The following CNBD1 variants were observed in gnomAD, a reference collection of about 807,000 sequenced individuals.
The protein encoded by CNBD1 is cyclic nucleotide-binding domain-containing protein 1.
CNBD1 carries 71 observed loss-of-function variants against 54.4 expected under a neutral mutation model. That is an observed-to-expected ratio of 1.30 (90% CI 1.08 to 1.59). The LOEUF (loss-of-function observed/expected upper bound fraction) is 1.59. Ranked by LOEUF, CNBD1 falls within the 40% of genes most tolerant of loss-of-function variation. The probability of loss-of-function intolerance (pLI) is 0.00; values close to 1 mark genes in which losing one functional copy is unlikely to be tolerated. For synonymous variants in CNBD1, 182 were observed against 170.7 expected, an observed-to-expected ratio of 1.07 and a Z score of -0.51; for missense variants, 659 against 518.0, an observed-to-expected ratio of 1.27 and a Z score of -2.64.
At chr8:87,156,250 A>G (rs941050342) in intron 4 of CNBD1, among the ~76,000 whole-genome samples, 19 of 61,648 alleles carry the variant, frequency 3.1e-4, no homozygotes, top group Non-Finnish European at 2.6e-4. Context: ...CCCATGATAT[A>G]TAATATATAC....
At chr8:87,030,943 C>CA (rs1360304931) in intron 4 of CNBD1, among the ~76,000 whole-genome samples, 8 of 113,616 alleles carry the variant, frequency 7.0e-5, no homozygotes, top group African/African-American at 2.8e-4. Context: ...CCTTCCCCCT[C>CA]CTCCCCCTCT....
chr8:87,024,181 G>C, intron 4 of CNBD1, among the ~76,000 whole-genome samples: 1 of 143,776 alleles, frequency 7.0e-6, no homozygotes, highest in Non-Finnish European at 1.5e-5. Context: ...AGTGCTTGCA[G>C]TGAGCCGAGA....
intron 8 of CNBD1, among the ~76,000 whole-genome samples, chr8:87,334,543 C>A (rs1016176196): frequency 1.2e-4 from 18 of 149,750 alleles, no homozygotes; most frequent in Admixed American, 1.2e-3. Context: ...CTTAACAGTG[C>A]TTTAGCTGCA....
intron 10 of CNBD1, among the ~76,000 whole-genome samples, chr8:87,363,674 AC>A (rs199734726): frequency 0.019 from 2,842 of 151,836 alleles, 88 homozygotes; most frequent in African/African-American, 0.062. Context: ...GTCTGTTCAT[AC>A]TTTTCGCCCA....
chr8:86,982,192 AC>A (rs1452234743), intron 4 of CNBD1, among the ~76,000 whole-genome samples: 2 of 152,268 alleles, frequency 1.3e-5, no homozygotes, highest in East Asian at 3.9e-4. Context: ...CTTATTTGCC[AC>A]TTATATGTCT....
At chr8:87,193,555 A>G (rs889787896) in intron 4 of CNBD1, among the ~76,000 whole-genome samples, 5 of 152,196 alleles carry the variant, frequency 3.3e-5, no homozygotes, top group Admixed American at 3.3e-4. Context: ...TGATTCTTAC[A>G]TGTCATTGAG....
rs193280472 is a variant in CNBD1, at chr8:87,216,077, G to A, written c.577+9939G>A. On this transcript the variant is annotated intron_variant, in intron 5 of 10. Coordinates refer to ENST00000518476, the MANE Select transcript of CNBD1 (RefSeq NM_173538.3). The stretch of plus-strand genomic sequence containing the variant: ...TGTACTTCATTGTACCTCATGAGCT[G>A]TTAATTGTTTCTTTAATAGCTGAAT... Among the ~76,000 whole-genome samples, 529 of 152,254 alleles carry A rather than the reference G, an allele frequency of 3.5e-3. 4 individuals carry two copies. The highest frequency in any genetic ancestry group is 0.012 in the African/African-American group (508 of 41,558).
chr8:87,349,758 G>T (rs970665988), intron 8 of CNBD1, among the ~76,000 whole-genome samples: 5 of 152,178 alleles, frequency 3.3e-5, no homozygotes, highest in Admixed American at 1.3e-4. Flanking sequence ...TCATTGAGAT[G>T]AATATTTGCT....
At chr8:87,264,775 TCTGTCAG>T (rs1232525413) in intron 6 of CNBD1, among the ~76,000 whole-genome samples, 5 of 152,206 alleles carry the variant, frequency 3.3e-5, no homozygotes, top group Non-Finnish European at 7.3e-5. Context: ...TTTTCCTGTG[TCTGTCAG>T]CTGCATAAAT....
chr8:87,046,093 G>T (rs1810184955), intron 4 of CNBD1, among the ~76,000 whole-genome samples: 1 of 150,666 alleles, frequency 6.6e-6, no homozygotes, highest in African/African-American at 2.4e-5. Flanking sequence ...CCCTACTTTG[G>T]CTGTAAAAAC....
At chr8:87,377,439 G>A (rs1162867405) in intron 10 of CNBD1, among the ~76,000 whole-genome samples, 1 of 151,762 alleles carries the variant, frequency 6.6e-6, no homozygotes, top group East Asian at 1.9e-4. Context: ...TATTGAGAAT[G>A]ATGATTTCCA....
At chr8:87,213,213 T>C (rs1436426359) in intron 5 of CNBD1, among the ~76,000 whole-genome samples, 2 of 151,518 alleles carry the variant, frequency 1.3e-5, no homozygotes, top group Middle Eastern at 3.2e-3. Context: ...TTGGTATGGA[T>C]GTAGAGAAGT....
Position 87,114,252 on chromosome 8 carries a change from G to C in CNBD1, c.432-91741G>C, listed in dbSNP as rs150762003. Among the ~76,000 whole-genome samples, 86 of 152,284 alleles carry C rather than the reference G, an allele frequency of 5.6e-4. 1 individual carries two copies. The East Asian group carries it at 0.016, about 28-fold the overall frequency. Reference sequence around the variant, plus strand: ...TGGCACAATTGGCCCAGCATTTGCTGAACATAAGTGATTCAGTAAATTACA... The same window carrying C: ...TGGCACAATTGGCCCAGCATTTGCTCAACATAAGTGATTCAGTAAATTACA... On this transcript the variant is annotated intron_variant, in intron 4 of 10. Transcript: ENST00000518476.
chr8:86,996,336 G>A (rs777553302), intron 4 of CNBD1, among the ~76,000 whole-genome samples: 8 of 152,028 alleles, frequency 5.3e-5, no homozygotes, highest in Non-Finnish European at 8.8e-5. Context: ...CTATAAAAAG[G>A]GCTTGTTTTA....
chr8:87,227,757 C>G (rs942638357), intron 5 of CNBD1, among the ~76,000 whole-genome samples: 4 of 149,584 alleles, frequency 2.7e-5, no homozygotes, highest in African/African-American at 7.6e-5. Flanking sequence ...TTGTGGCGTT[C>G]TCTGTATTTC....
chr8:87,276,957 A>T (rs911419425), intron 6 of CNBD1, among the ~76,000 whole-genome samples: 1 of 148,382 alleles, frequency 6.7e-6, no homozygotes, highest in Non-Finnish European at 1.5e-5. Context: ...AGGGAACCAG[A>T]GAAAATGGAG....
chr8:87,302,836 C>A lies in CNBD1; in HGVS notation c.1042+16165C>A, dbSNP rs568077027. 7.9e-5 allele frequency among the ~76,000 whole-genome samples: 12 copies of A among 152,134 alleles called. No homozygotes were observed. In the East Asian group the frequency reaches 1.9e-3, roughly 24 times the overall value. On this transcript the variant is annotated intron_variant, in intron 8 of 10. Transcript: ENST00000518476. The stretch of plus-strand genomic sequence containing the variant: ...CAAAAATCACAAGCATTCTTATACA[C>A]CAGCAACAGACAAACAGAGAGCCAA...
rs539403635 is a variant in CNBD1, at chr8:87,358,211, T to C, written c.1303+4425T>C. 1.5e-4 allele frequency among the ~76,000 whole-genome samples: 23 copies of C among 152,292 alleles called. No individual in the cohort carries two copies. The East Asian group carries it at 4.3e-3, about 28-fold the overall frequency. On this transcript the variant is annotated intron_variant, in intron 10 of 10. Coordinates refer to ENST00000518476, the MANE Select transcript of CNBD1 (RefSeq NM_173538.3). ...TTCATAGCAATGCAAAACTGACTAA[T>C]AGTCTCTTACAGAATGTGTTACCAA...
chr8:86,873,773 T>G (rs1269875794), intron 1 of CNBD1, among the ~76,000 whole-genome samples: 1 of 152,184 alleles, frequency 6.6e-6, no homozygotes, highest in Non-Finnish European at 1.5e-5. Flanking sequence ...AAAGTCAGTA[T>G]GTGAGAAATA....
Sources: gnomAD v4.1 joint callset for allele counts (sites outside exome capture counted in the v4.1 genomes callset) on GRCh38, gnomAD v4.1.1 for gene constraint, MANE v1.5 for transcripts, NCBI Gene and HGNC (gene_info 2026-07-23, HGNC 2026-07-21) for gene names.